Variants in SYTL5 observed in about 807,000 individuals in gnomAD.
The protein encoded by SYTL5 is synaptotagmin like 5.
A neutral mutation model predicts 55.9 loss-of-function variants in SYTL5; 34 were observed. That is an observed-to-expected ratio of 0.61 (90% CI 0.46 to 0.81). SYTL5 has a LOEUF of 0.81. Ranked by LOEUF, SYTL5 falls within the 30% of genes least tolerant of loss-of-function variation. The pLI, the probability that SYTL5 is intolerant of heterozygous loss-of-function variation, is 0.00. For missense variants in SYTL5, 637 were observed against 546.7 expected (o/e 1.17, Z -1.65); for synonymous variants, 221 against 188.7 (o/e 1.17, Z -1.40).
intron 13 of SYTL5, among the ~76,000 whole-genome samples, chrX:38,118,123 AG>A (rs1176978116): frequency 1.8e-5 from 2 of 111,943 alleles, no homozygotes; most frequent in African/African-American, 6.5e-5. Flanking sequence ...AGAAGAGTCC[AG>A]TTACAAGGAA....
At chrX:38,016,911 G>A (rs1031108763) in intron 1 of SYTL5, among the ~76,000 whole-genome samples, 7 of 112,195 alleles carry the variant, frequency 6.2e-5, no homozygotes, top group African/African-American at 1.3e-4. Context: ...GTTAATGCCT[G>A]AATATGCATG....
intron 2 of SYTL5, among the ~76,000 whole-genome samples, chrX:38,043,688 T>TATATATATAC (rs1210450618): frequency 7.7e-5 from 5 of 64,962 alleles, no homozygotes; most frequent in African/African-American, 4.2e-4. Context: ...TATATATATA[T>TATATATATAC]ATACATATAT....
rs770905251 is a variant in SYTL5 at position 38,065,851 on chromosome X, A to G, written c.330-6196A>G. Among the ~76,000 whole-genome samples the G allele has an allele frequency of 4.8e-4, 54 of 111,514 alleles. 1 individual carries two copies. The highest frequency in any genetic ancestry group is 4.5e-3 in the Admixed American group (47 of 10,484). On this transcript the variant is annotated intron_variant, in intron 3 of 16. Coordinates refer to ENST00000297875, the MANE Select transcript of SYTL5 (RefSeq NM_138780.3). ...GTGGTGGCTCACACCTGTAATCCCAACACTTTGGGAGGCAGAGGTGGGCGG... is the reference window on the plus strand; with the variant it reads ...GTGGTGGCTCACACCTGTAATCCCAGCACTTTGGGAGGCAGAGGTGGGCGG...
In SYTL5 at chrX:38,127,048, T is replaced by C. The variant is rs773746131; in HGVS notation, c.*318T>C. 2.3e-5 allele frequency: 4 copies of C among 174,585 alleles called. No individual in the cohort carries two copies. The highest frequency in any genetic ancestry group is 1.2e-4 in the African/African-American group (4 of 33,537). The allele number at this position is 174,585 out of a possible 1,213,427, so 14.4% of individuals were successfully genotyped here. On this transcript the variant is annotated 3_prime_UTR_variant, in exon 17 of 17. Coordinates refer to ENST00000297875, the MANE Select transcript of SYTL5 (RefSeq NM_138780.3). Reference sequence around the variant, plus strand: ...GGCACAAGCCTCCATTTGCTAATTATAAGTTACTTTAGATTTCCTCAAATC... The same window carrying C: ...GGCACAAGCCTCCATTTGCTAATTACAAGTTACTTTAGATTTCCTCAAATC...
chrX:38,019,198 C>T (rs749639420), intron 1 of SYTL5, among the ~76,000 whole-genome samples: 56 of 112,255 alleles, frequency 5.0e-4, no homozygotes, highest in Non-Finnish European at 8.4e-4. Context: ...GCCACTCAGC[C>T]TCTTTCGCTG....
At chrX:37,893,639 T>TCTA in the SYTL5 span, among the ~76,000 whole-genome samples, 1 of 66,014 alleles carries the variant, frequency 1.5e-5, no homozygotes, top group African/African-American at 1.7e-4. Context: ...ATATATATAA[T>TCTA]TATATATAAT....
At chrX:37,904,701 G>T in the SYTL5 span, among the ~76,000 whole-genome samples, 7 of 110,930 alleles carry the variant, frequency 6.3e-5, no homozygotes, top group East Asian at 2.0e-3. Flanking sequence ...GTTTATAATG[G>T]TATAAGAAAG....
At chrX:38,042,259 G>C (rs916961433) in intron 2 of SYTL5, among the ~76,000 whole-genome samples, 1 of 110,170 alleles carries the variant, frequency 9.1e-6, no homozygotes, top group African/African-American at 3.3e-5. Context: ...TATAAAGAGA[G>C]ACTCAGTATA....
the SYTL5 span, chrX:37,990,919 T>A: frequency 1.7e-6 from 2 of 1,209,613 alleles, no homozygotes; most frequent in Admixed American, 4.4e-5. Flanking sequence ...GAGCTACAGG[T>A]CCCTAGGAGC....
intron 1 of SYTL5, among the ~76,000 whole-genome samples, chrX:38,008,511 C>G (rs948845781): frequency 9.0e-6 from 1 of 111,380 alleles, no homozygotes; most frequent in Non-Finnish European, 1.9e-5. Context: ...AGTTAGCAAC[C>G]GCTGTGGTTA....
chrX:38,055,795 T>C (rs760305601), intron 3 of SYTL5, among the ~76,000 whole-genome samples: 2 of 112,025 alleles, frequency 1.8e-5, no homozygotes, highest in African/African-American at 3.2e-5. Context: ...ATTCAAACTA[T>C]GTTTTAATAC....
intron 2 of SYTL5, among the ~76,000 whole-genome samples, chrX:38,046,404 A>G (rs1569166878): frequency 8.9e-6 from 1 of 111,736 alleles, no homozygotes; most frequent in Non-Finnish European, 1.9e-5. Context: ...ACATGGTGGC[A>G]GACAGGAGAA....
At chrX:38,051,637 T>A (rs1306881034) in intron 2 of SYTL5, among the ~76,000 whole-genome samples, 3 of 111,778 alleles carry the variant, frequency 2.7e-5, no homozygotes, top group Non-Finnish European at 5.6e-5. Context: ...TACTTCTTTT[T>A]CTCTTTTCTC....
intron 3 of SYTL5, among the ~76,000 whole-genome samples, chrX:38,067,255 G>C (rs145415387): frequency 1.1e-3 from 118 of 111,232 alleles, no homozygotes; most frequent in African/African-American, 3.7e-3. Flanking sequence ...CTCTAAGCAT[G>C]CATGGTAAAA....
chrX:38,098,810 A>T (rs1937007179), intron 9 of SYTL5, among the ~76,000 whole-genome samples: 1 of 111,168 alleles, frequency 9.0e-6, no homozygotes, highest in African/African-American at 3.3e-5. Flanking sequence ...GAATACAATG[A>T]TATATTATTC....
chrX:37,976,691 C>A, the SYTL5 span, among the ~76,000 whole-genome samples: 1 of 109,991 alleles, frequency 9.1e-6, no homozygotes, highest in East Asian at 2.8e-4. Flanking sequence ...AAAGTCCTGG[C>A]CAGGCATGGT....
chrX:38,018,293 C>T (rs181551614), intron 1 of SYTL5, among the ~76,000 whole-genome samples: 321 of 111,647 alleles, frequency 2.9e-3, no homozygotes, highest in Non-Finnish European at 4.8e-3. Flanking sequence ...ATTGTTGCTT[C>T]TCATGATTCT....
the SYTL5 span, among the ~76,000 whole-genome samples, chrX:37,996,015 G>A: frequency 9.0e-6 from 1 of 111,699 alleles, no homozygotes; most frequent in African/African-American, 3.3e-5. Flanking sequence ...CGGTCACTCT[G>A]ACCTTGTAAG....
At chrX:38,043,999 C>T (rs923402026) in intron 2 of SYTL5, among the ~76,000 whole-genome samples, 5 of 109,367 alleles carry the variant, frequency 4.6e-5, no homozygotes, top group South Asian at 4.0e-4. Flanking sequence ...TTTTAAAAAC[C>T]GGCAATCTGA....
Sources: allele counts gnomAD v4.1 joint callset (sites outside exome capture counted in the v4.1 genomes callset), GRCh38; gene constraint gnomAD v4.1.1; transcripts MANE v1.5; gene names NCBI Gene and HGNC (gene_info 2026-07-23, HGNC 2026-07-21).